DYNC1LI2: variants seen among roughly 807,000 people sequenced by gnomAD.
DYNC1LI2 encodes dynein cytoplasmic 1 light intermediate chain 2.
A neutral mutation model predicts 57.8 loss-of-function variants in DYNC1LI2; 19 were observed. That is an observed-to-expected ratio of 0.33 (90% CI 0.23 to 0.48). The LOEUF (loss-of-function observed/expected upper bound fraction) is 0.48, where lower values mean the gene tolerates loss of function less well. DYNC1LI2 is among the 20% of genes least tolerant of loss of function. DYNC1LI2 has a pLI of 0.99. For synonymous variants in DYNC1LI2, 256 were observed against 233.4 expected, an observed-to-expected ratio of 1.10 and a Z score of -0.88; for missense variants, 470 against 604.2, an observed-to-expected ratio of 0.78 and a Z score of 2.33.
In DYNC1LI2 at chr16:66,723,683, G is replaced by A. The variant is rs759268503; in HGVS notation, c.*39C>T. On this transcript the variant is annotated 3_prime_UTR_variant, in exon 13 of 13. Coordinates refer to ENST00000258198, the MANE Select transcript of DYNC1LI2 (RefSeq NM_006141.3). ...TGGTCTTAGCAGATCAATATACATA[G>A]TTATTTGGTCATTCGACATATGCAC... 1.6e-5 allele frequency: 25 copies of A among 1,570,132 alleles called. No individual in the cohort carries two copies. Among genetic ancestry groups the A allele is most frequent in the African/African-American group, 2.8e-5 (2 of 72,374 alleles).
intron 3 of DYNC1LI2, among the ~76,000 whole-genome samples, chr16:66,744,803 G>T (rs1050745689): frequency 6.6e-6 from 1 of 151,996 alleles, no homozygotes; most frequent in Non-Finnish European, 1.5e-5. Context: ...CAAGTGATCT[G>T]CCCGCCTCAG....
In DYNC1LI2 at chr16:66,730,151, A is replaced by G; in HGVS notation, c.1002T>C (p.Asp334=). ...HENFTTVKPE[D]AYEDFIVKPP... The stretch of plus-strand genomic sequence containing the variant: ...GTTTCACAATAAAGTCTTCATATGC[A>G]TCTTCCGGCTTCACGGTTGTAAAAT... Residue 334 remains aspartate (D), a synonymous_variant, in exon 8 of 13, where the codon GAT becomes GAC. Coordinates refer to ENST00000258198, the MANE Select transcript of DYNC1LI2 (RefSeq NM_006141.3). The G allele has an allele frequency of 6.2e-7, 1 of 1,614,092 alleles. No individual in the cohort carries two copies. Among genetic ancestry groups the G allele is most frequent in the Non-Finnish European group, 8.5e-7 (1 of 1,180,018 alleles).
chr16:66,735,103 T>TG lies in DYNC1LI2; in HGVS notation c.700-793_700-792insC, dbSNP rs1176798521. ...TCTCTATGACTGAACTTTGTTTGTT[T>TG]TTTTTTTCTTTTTTTTTTGAGACAT... On this transcript the variant is annotated intron_variant, in intron 5 of 12. Transcript: ENST00000258198. 4.4e-3 allele frequency among the ~76,000 whole-genome samples: 664 copies of TG among 151,226 alleles called. 5 individuals are homozygous for TG. The highest frequency in any genetic ancestry group is 0.015 in the African/African-American group (627 of 41,192).
chr16:66,741,946 G>T (rs905985834), intron 4 of DYNC1LI2, among the ~76,000 whole-genome samples: 3 of 140,154 alleles, frequency 2.1e-5, no homozygotes, highest in Non-Finnish European at 3.1e-5. Flanking sequence ...AACTAAAATC[G>T]TATTTTGCTG....
chr16:66,745,775 G>T (rs546990829), intron 3 of DYNC1LI2, among the ~76,000 whole-genome samples: 2 of 151,916 alleles, frequency 1.3e-5, no homozygotes, highest in East Asian at 3.9e-4. Flanking sequence ...TTGGTGGCAT[G>T]TACCTGTAGT....
In DYNC1LI2 at chr16:66,742,438, A is replaced by G. The variant is rs771899649; in HGVS notation, c.529T>C (p.Phe177Leu). 1.4e-5 allele frequency: 23 copies of G among 1,612,650 alleles called. No individual in the cohort carries two copies. The East Asian group carries it at 4.9e-4, about 34-fold the overall frequency. The change falls in exon 4 of 13, where the codon TTT becomes CTT. Residue 177 changes from phenylalanine (F) to leucine (L), a missense_variant and splice_region_variant. By Grantham distance (22) the Phe-to-Leu change is conservative. Coordinates refer to ENST00000258198, the MANE Select transcript of DYNC1LI2 (RefSeq NM_006141.3). ...ATTAAGAAAATTATATTTTACTCAC[A>G]CTTCCGTTCCAGCTCCCTCATTTTT... Reference protein sequence around the residue: ...PEKMRELERKFVKDFQDYMEP... With the variant: ...PEKMRELERKLVKDFQDYMEP...
At chr16:66,749,648 T>A (rs1295211701) in intron 2 of DYNC1LI2, among the ~76,000 whole-genome samples, 1 of 152,134 alleles carries the variant, frequency 6.6e-6, no homozygotes, top group Non-Finnish European at 1.5e-5. Context: ...AGGGTTAGTT[T>A]CTCACAAGAA....
chr16:66,748,699 G>A (rs185236047), intron 3 of DYNC1LI2, among the ~76,000 whole-genome samples: 7 of 152,214 alleles, frequency 4.6e-5, no homozygotes, highest in African/African-American at 1.2e-4. Context: ...GAGTAGCTGC[G>A]ATTATGACAG....
rs747784729 is a variant in DYNC1LI2, at chr16:66,749,282, C to T, written c.213G>A (p.Met71Ile). The part of the protein sequence containing the change: ...GEDGSGKTTL[M>I]TKLQGAEHGK... ...CATGCTCAGCTCCTTGTAGTTTAGT[C>T]ATGAGGGTTGTTTTACCAGAACCAT... Residue 71 changes from methionine (M) to isoleucine (I), a missense_variant, in exon 3 of 13, where the codon ATG (methionine) becomes ATA (isoleucine). Transcript: ENST00000258198. 14 of 1,614,176 alleles carry T rather than the reference C, an allele frequency of 8.7e-6. No individual in the cohort carries two copies. In the South Asian group the frequency reaches 1.2e-4, roughly 14 times the overall value.
In DYNC1LI2 at chr16:66,751,189, A is replaced by T; in HGVS notation, c.181+84T>A. ...GCCAGGCTGCGGGCAGGCGGCTGGA[A>T]CGGGGAAGGCGGGGACCTGAGGGAG... On this transcript the variant is annotated intron_variant, in intron 2 of 12. Transcript: ENST00000258198. The surrounding 1 kb of genome is among the most constrained non-coding windows in gnomAD (Gnocchi z 5.2). The T allele has an allele frequency of 2.8e-6, 4 of 1,454,488 alleles. No homozygotes were observed. Among genetic ancestry groups the T allele is most frequent in the Non-Finnish European group, 3.7e-6 (4 of 1,075,744 alleles). 90.1% of individuals were successfully genotyped at this position (1,454,488 alleles called of 1,614,324 possible).
At position 66,731,990 on chromosome 16, in the gene DYNC1LI2, C is replaced by T. The variant is rs1032764897; in HGVS notation, c.929+349G>A. 1.5e-5 allele frequency: 3 copies of T among 200,756 alleles called. No homozygotes were observed. The East Asian group carries it at 3.6e-4, about 24-fold the overall frequency. The allele number at this position is 200,756 out of a possible 1,614,324, so 12.4% of individuals were successfully genotyped here. ...ATGTTTGCAGTCATCCCTGCCAACA[C>T]ACAGATAAAGCAGGCGCTTTAATAG... On this transcript the variant is annotated intron_variant, in intron 7 of 12. Coordinates refer to ENST00000258198, the MANE Select transcript of DYNC1LI2 (RefSeq NM_006141.3).
Position 66,720,949 on chromosome 16 carries a change from T to C in DYNC1LI2, c.*2773A>G, listed in dbSNP as rs1424230479. The C allele has an allele frequency of 6.6e-6, 1 of 152,576 alleles. No homozygotes were observed. 9.5% of individuals were successfully genotyped at this position (152,576 alleles called of 1,614,324 possible). A position where few individuals can be genotyped will look rare whatever the true frequency, so the allele number is the denominator to read the frequency against. On this transcript the variant is annotated 3_prime_UTR_variant, in exon 13 of 13. Coordinates refer to ENST00000258198, the MANE Select transcript of DYNC1LI2 (RefSeq NM_006141.3). ...GCCAGTAATTAGAGACATCTTTTTT[T>C]CCCAGGACTAGAAAGCAAGGTTCCA...
intron 11 of DYNC1LI2, 69 bp downstream of exon 11, chr16:66,727,619 A>G: frequency 3.3e-6 from 5 of 1,501,946 alleles, no homozygotes; most frequent in Non-Finnish European, 4.6e-6. Context: ...TCAGCCACCC[A>G]GCCCCTGCAG....
chr16:66,728,944 T>G (rs12599882), intron 9 of DYNC1LI2, 96 bp downstream of exon 9: 2 of 1,284,954 alleles, frequency 1.6e-6, no homozygotes, highest in Non-Finnish European at 2.3e-6. Flanking sequence ...GCAAGCTCTT[T>G]GTGACTTCCC....
intron 3 of DYNC1LI2, among the ~76,000 whole-genome samples, chr16:66,743,960 A>T (rs2017889280): frequency 6.6e-6 from 1 of 152,250 alleles, no homozygotes; most frequent in Admixed American, 6.5e-5. Context: ...CAGTATACAT[A>T]GATAAAATTT....
Position 66,751,215 on chromosome 16 carries a change from G to A in DYNC1LI2, c.181+58C>T, listed in dbSNP as rs2018043263. 3 of 1,569,562 alleles carry A rather than the reference G, an allele frequency of 1.9e-6. No individual in the cohort carries two copies. The highest frequency in any genetic ancestry group is 2.7e-5 in the African/African-American group (2 of 72,986). On this transcript the variant is annotated intron_variant, in intron 2 of 12. Transcript: ENST00000258198. The surrounding 1 kb of genome is among the most constrained non-coding windows in gnomAD (Gnocchi z 5.2). The stretch of plus-strand genomic sequence containing the variant: ...CGGGGAAGGCGGGGACCTGAGGGAG[G>A]GGCGCCCGCCTCGCCCACCCCAGCG...
At chr16:66,741,591 G>GAGAA (rs1475390556) in intron 4 of DYNC1LI2, among the ~76,000 whole-genome samples, 3 of 151,774 alleles carry the variant, frequency 2.0e-5, no homozygotes, top group Non-Finnish European at 4.4e-5. Flanking sequence ...TGCCATGCCC[G>GAGAA]AGAAGCCCTC....
At chr16:66,749,127 G>C (rs2017993481) in intron 3 of DYNC1LI2, 70 bp downstream of exon 3, 3 of 1,448,008 alleles carry the variant, frequency 2.1e-6, no homozygotes, top group Admixed American at 1.7e-5. Context: ...CATGCTGCAG[G>C]AACTGCACCC....
chr16:66,726,470 A>G (rs2017537713), intron 11 of DYNC1LI2, among the ~76,000 whole-genome samples: 1 of 152,222 alleles, frequency 6.6e-6, no homozygotes, highest in Non-Finnish European at 1.5e-5. Context: ...AATGAGAAAC[A>G]AAGTTACAGA....
Sources: gnomAD v4.1 joint callset for allele counts (sites outside exome capture counted in the v4.1 genomes callset) on GRCh38, gnomAD v4.1.1 for gene constraint, Gnocchi (gnomAD v3.1) non-coding constraint, MANE v1.5 for transcripts, NCBI Gene and HGNC (gene_info 2026-07-23, HGNC 2026-07-21) for gene names.